The following KCNQ5 variants were observed in gnomAD, a reference collection of about 807,000 sequenced individuals.
The protein encoded by KCNQ5 is potassium voltage-gated channel subfamily KQT member 5.
In KCNQ5, 30 loss-of-function variants were observed where a neutral mutation model predicts 98.2. That is an observed-to-expected ratio of 0.31 (90% CI 0.23 to 0.41). KCNQ5 has a LOEUF of 0.41. Ranked by LOEUF, KCNQ5 falls within the 10% of genes least tolerant of loss-of-function variation. The pLI is 1.00. For synonymous variants in KCNQ5, 458 were observed against 449.4 expected (o/e 1.02, Z -0.24); for missense variants, 835 against 1,182.5 (o/e 0.71, Z 4.31).
At chr6:72,879,133 A>G (rs1270254608) in intron 1 of KCNQ5, among the ~76,000 whole-genome samples, 1 of 152,168 alleles carries the variant, frequency 6.6e-6, no homozygotes, top group African/African-American at 2.4e-5. Flanking sequence ...GTCTAAATCC[A>G]GAAGTATAAT....
intron 1 of KCNQ5, among the ~76,000 whole-genome samples, chr6:72,728,526 A>G (rs1405516691): frequency 6.6e-6 from 1 of 152,144 alleles, no homozygotes; most frequent in Non-Finnish European, 1.5e-5. Context: ...TGAACAATCC[A>G]TTCAAAAAGG....
intron 1 of KCNQ5, among the ~76,000 whole-genome samples, chr6:72,871,381 C>G (rs920937602): frequency 6.6e-6 from 1 of 152,088 alleles, no homozygotes; most frequent in Non-Finnish European, 1.5e-5. Flanking sequence ...TTTTTCCCTT[C>G]TCTTGTTATT....
intron 1 of KCNQ5, among the ~76,000 whole-genome samples, chr6:72,879,796 C>T (rs1778570730): frequency 6.6e-6 from 1 of 151,942 alleles, no homozygotes; most frequent in East Asian, 1.9e-4. Context: ...ATTTTGTATT[C>T]CTTTCCAGTG....
At chr6:73,087,073 A>G (rs1774016678) in intron 5 of KCNQ5, among the ~76,000 whole-genome samples, 1 of 152,230 alleles carries the variant, frequency 6.6e-6, no homozygotes, top group African/African-American at 2.4e-5. Flanking sequence ...ATTTATTTTG[A>G]ATTCAACAGC....
At position 72,923,001 on chromosome 6, in the gene KCNQ5, G is replaced by A. The variant is rs181762073; in HGVS notation, c.399-80907G>A. 2.2e-3 allele frequency among the ~76,000 whole-genome samples: 330 copies of A among 151,602 alleles called. 1 individual carries two copies. Among genetic ancestry groups the A allele is most frequent in the Non-Finnish European group, 3.4e-3 (234 of 67,844 alleles). ...TAATTTTTGTATTTTTAGTAGAGAC[G>A]GGGTTCCACCATGTTGGCCAAGCTG... On this transcript the variant is annotated intron_variant, in intron 1 of 13. Transcript: ENST00000370398.
chr6:73,198,522 A>G lies in KCNQ5; in HGVS notation c.*3108A>G, dbSNP rs910472970. 2 of 152,222 alleles carry G rather than the reference A, an allele frequency of 1.3e-5. No homozygotes were observed. Among genetic ancestry groups the G allele is most frequent in the Non-Finnish European group, 2.9e-5 (2 of 68,044 alleles). The allele number at this position is 152,222 out of a possible 1,614,324, so 9.4% of individuals were successfully genotyped here. On this transcript the variant is annotated 3_prime_UTR_variant, in exon 14 of 14. Coordinates refer to ENST00000370398, the MANE Select transcript of KCNQ5 (RefSeq NM_019842.4). ...TTTGCAAAGCAAAACTGTAAGGATG[A>G]TGAAACCTGGCTAACTAAATTAATG...
intron 1 of KCNQ5, among the ~76,000 whole-genome samples, chr6:72,647,354 T>C (rs1250211626): frequency 2.0e-5 from 3 of 147,846 alleles, no homozygotes; most frequent in Non-Finnish European, 4.5e-5. Flanking sequence ...AGAGAGAGAG[T>C]GTAAGGTAAA....
chr6:72,859,278 G>GA (rs574208672), intron 1 of KCNQ5, among the ~76,000 whole-genome samples: 197 of 152,106 alleles, frequency 1.3e-3, no homozygotes, highest in African/African-American at 4.4e-3. Flanking sequence ...AATGCCTTGA[G>GA]AAAAAATTCC....
At position 72,834,441 on chromosome 6, in the gene KCNQ5, G is replaced by T. The variant is rs372885186; in HGVS notation, c.399-169467G>T. Reference sequence around the variant, plus strand: ...CCTATATAGAATAAATGATTTTACTGTTTGAGTAGAGACTCTAAAGATAAT... The same window carrying T: ...CCTATATAGAATAAATGATTTTACTTTTTGAGTAGAGACTCTAAAGATAAT... On this transcript the variant is annotated intron_variant, in intron 1 of 13. Coordinates refer to ENST00000370398, the MANE Select transcript of KCNQ5 (RefSeq NM_019842.4). Among the ~76,000 whole-genome samples, 12 of 152,238 alleles carry T rather than the reference G, an allele frequency of 7.9e-5. No individual in the cohort carries two copies. In the East Asian group the frequency reaches 9.6e-4, roughly 12 times the overall value.
chr6:73,075,421 C>G (rs1035095121), intron 3 of KCNQ5, among the ~76,000 whole-genome samples: 1 of 152,070 alleles, frequency 6.6e-6, no homozygotes, highest in Admixed American at 6.6e-5. Context: ...CAGGGTTTCA[C>G]CATGTTGGCC....
chr6:73,134,045 G>C, intron 10 of KCNQ5: 1 of 469,306 alleles, frequency 2.1e-6, no homozygotes. Flanking sequence ...ACACAGTAAG[G>C]AGGATGATCA....
intron 1 of KCNQ5, among the ~76,000 whole-genome samples, chr6:72,839,438 C>T (rs916630883): frequency 1.3e-5 from 2 of 152,100 alleles, no homozygotes; most frequent in African/African-American, 2.4e-5. Flanking sequence ...AAAAGTAGAT[C>T]GTGTTTTCCT....
At chr6:73,158,059 T>G (rs1256570361) in intron 10 of KCNQ5, 1 of 596,864 alleles carries the variant, frequency 1.7e-6, no homozygotes, top group African/African-American at 1.8e-5. Flanking sequence ...GGACCTCCTC[T>G]TCCAGGACGC....
Position 73,157,884 on chromosome 6 carries a change from C to T in KCNQ5, c.1469-11862C>T, listed in dbSNP as rs549145104. On this transcript the variant is annotated intron_variant, in intron 10 of 13. Transcript: ENST00000370398. ...TTTCGGGATCTAAGCGAATATCGTT[C>T]AGCGCATTTTTGGCCGCTTCTGCTC... The T allele has an allele frequency of 1.0e-5, 8 of 777,944 alleles. No homozygotes were observed. In the East Asian group the frequency reaches 1.5e-4, roughly 14 times the overall value. 48.2% of individuals were successfully genotyped at this position (777,944 alleles called of 1,614,324 possible).
chr6:72,737,594 T>C (rs1344395722), intron 1 of KCNQ5, among the ~76,000 whole-genome samples: 1 of 152,156 alleles, frequency 6.6e-6, no homozygotes, highest in South Asian at 2.1e-4. Flanking sequence ...GGCTCATTAG[T>C]AGGGCTTGAT....
At chr6:73,098,984 A>G (rs1774642113) in intron 5 of KCNQ5, among the ~76,000 whole-genome samples, 1 of 152,178 alleles carries the variant, frequency 6.6e-6, no homozygotes, top group Non-Finnish European at 1.5e-5. Flanking sequence ...GAAACAACAA[A>G]AAGTTTAAAA....
chr6:72,959,824 C>T (rs1249639830), intron 1 of KCNQ5, among the ~76,000 whole-genome samples: 2 of 152,156 alleles, frequency 1.3e-5, no homozygotes, highest in Non-Finnish European at 2.9e-5. Flanking sequence ...ACAATTCAAA[C>T]CTACTTACAG....
At chr6:72,713,597 G>T (rs1769484731) in intron 1 of KCNQ5, among the ~76,000 whole-genome samples, 1 of 152,018 alleles carries the variant, frequency 6.6e-6, no homozygotes. Flanking sequence ...CATATTGTCA[G>T]CCAAGATTTG....
chr6:72,712,668 C>T (rs1224637628), intron 1 of KCNQ5, among the ~76,000 whole-genome samples: 3 of 152,106 alleles, frequency 2.0e-5, no homozygotes, highest in Non-Finnish European at 2.9e-5. Flanking sequence ...ACTAATAGAA[C>T]ACCAATAGGT....
Sources: allele counts gnomAD v4.1 joint callset (sites outside exome capture counted in the v4.1 genomes callset), GRCh38; gene constraint gnomAD v4.1.1; transcripts MANE v1.5; gene names NCBI Gene and HGNC (gene_info 2026-07-23, HGNC 2026-07-21).